The following NCKAP5 variants were observed in gnomAD, a reference collection of about 807,000 sequenced individuals.
NCKAP5 encodes the protein nck-associated protein 5.
In NCKAP5, 92 loss-of-function variants were observed where a neutral mutation model predicts 167.0. The observed-to-expected ratio is 0.55, with a 90% CI of 0.47 to 0.66. NCKAP5 has a LOEUF of 0.66. Ranked by LOEUF, NCKAP5 falls within the 30% of genes least tolerant of loss-of-function variation. NCKAP5 has a pLI of 0.00. For missense variants in NCKAP5, 2,378 were observed against 2,315.0 expected, an observed-to-expected ratio of 1.03 and a Z score of -0.56; for synonymous variants, 891 against 877.4, an observed-to-expected ratio of 1.02 and a Z score of -0.27.
At chr2:133,125,089 A>G (rs2082361154) in intron 6 of NCKAP5, among the ~76,000 whole-genome samples, 1 of 152,164 alleles carries the variant, frequency 6.6e-6, no homozygotes, top group Non-Finnish European at 1.5e-5. Context: ...TGATTAGATT[A>G]TTTCCAAAGG....
At chr2:133,315,840 G>T (rs1163053477) in intron 3 of NCKAP5, among the ~76,000 whole-genome samples, 1 of 152,150 alleles carries the variant, frequency 6.6e-6, no homozygotes, top group Non-Finnish European at 1.5e-5. Context: ...TTGGGGTAGA[G>T]GTTGGGGAAA....
rs114899252 is a variant in NCKAP5, at chr2:132,891,862, G to A, written c.580-12946C>T. On this transcript the variant is annotated intron_variant, in intron 8 of 19. Transcript: ENST00000409261. ...AGATAATCTGATGGGAAGTGACGGC[G>A]TGCTTTTCAAATTTCCTTTTATTTG... 9.9e-4 allele frequency among the ~76,000 whole-genome samples: 151 copies of A among 152,294 alleles called. 1 individual carries two copies. The highest frequency in any genetic ancestry group is 4.6e-3 in the Admixed American group (71 of 15,304).
chr2:133,153,901 T>C (rs1415621853), intron 5 of NCKAP5, among the ~76,000 whole-genome samples: 1 of 141,280 alleles, frequency 7.1e-6, no homozygotes, highest in Non-Finnish European at 1.5e-5. Flanking sequence ...AACGGCGCAA[T>C]CTCAGCTCAC....
intron 6 of NCKAP5, among the ~76,000 whole-genome samples, chr2:133,022,582 G>A (rs898530445): frequency 6.6e-6 from 1 of 152,138 alleles, no homozygotes; most frequent in Admixed American, 6.5e-5. Context: ...GAGAAAACCA[G>A]AGTTGGACAC....
At chr2:133,441,666 T>C (rs973239942) in intron 3 of NCKAP5, among the ~76,000 whole-genome samples, 12 of 152,322 alleles carry the variant, frequency 7.9e-5, no homozygotes, top group African/African-American at 2.6e-4. Flanking sequence ...AAACTTACTT[T>C]GTGATCTACT....
At chr2:133,617,979 G>A in the NCKAP5 span, among the ~76,000 whole-genome samples, 1 of 152,116 alleles carries the variant, frequency 6.6e-6, no homozygotes, top group South Asian at 2.1e-4. Context: ...GAACAGAACA[G>A]AGGCCTCAGA....
chr2:133,268,968 T>G (rs568114065), intron 4 of NCKAP5: 2 of 152,328 alleles, frequency 1.3e-5, no homozygotes, highest in South Asian at 4.1e-4. Context: ...AGGAAATTGC[T>G]GTTGTCCAGG....
At chr2:133,663,050 A>T in the NCKAP5 span, among the ~76,000 whole-genome samples, 4 of 152,174 alleles carry the variant, frequency 2.6e-5, no homozygotes, top group South Asian at 8.3e-4. Flanking sequence ...GTGGATCATG[A>T]GGTCAGGAGA....
the NCKAP5 span, among the ~76,000 whole-genome samples, chr2:133,573,708 T>G: frequency 1.3e-5 from 2 of 152,188 alleles, no homozygotes; most frequent in African/African-American, 4.8e-5. Flanking sequence ...CAGTACATAC[T>G]GTGAGATTGA....
chr2:132,698,615 A>T (rs192794947), intron 19 of NCKAP5, among the ~76,000 whole-genome samples: 2 of 152,240 alleles, frequency 1.3e-5, no homozygotes, highest in Non-Finnish European at 2.9e-5. Flanking sequence ...AGGGCAGATC[A>T]CAAGGTCAGG....
At chr2:133,387,405 C>T (rs928827005) in intron 3 of NCKAP5, among the ~76,000 whole-genome samples, 9 of 152,236 alleles carry the variant, frequency 5.9e-5, no homozygotes, top group African/African-American at 1.2e-4. Flanking sequence ...GAGTTTCTGC[C>T]GAGAGATCAG....
chr2:133,331,773 C>T (rs545326155), intron 3 of NCKAP5, among the ~76,000 whole-genome samples: 6 of 152,316 alleles, frequency 3.9e-5, no homozygotes, highest in East Asian at 1.9e-4. Flanking sequence ...CCAGTAACTA[C>T]GACTTCTCCC....
rs534337721 is a variant in NCKAP5, at chr2:133,531,901, A to G, written c.-61-14314T>C. ...CTTTAATCTTTCCTCTCTTTTAAGT[A>G]ATAAAAGCACTGTAGATGTAGTTGT... On this transcript the variant is annotated intron_variant, in intron 2 of 19. Transcript: ENST00000409261. 1.1e-3 allele frequency among the ~76,000 whole-genome samples: 174 copies of G among 152,346 alleles called. 2 individuals carry two copies. Among genetic ancestry groups the G allele is most frequent in the African/African-American group, 3.8e-3 (158 of 41,584 alleles).
chr2:132,932,921 C>CT (rs368871730), intron 8 of NCKAP5, among the ~76,000 whole-genome samples: 7,799 of 119,900 alleles, frequency 0.065, 988 homozygotes, highest in African/African-American at 0.22. Context: ...TTATCCTCTA[C>CT]TTTTTTTTTT....
intron 7 of NCKAP5, among the ~76,000 whole-genome samples, chr2:132,992,652 T>G (rs756396138): frequency 1.3e-5 from 2 of 152,204 alleles, no homozygotes; most frequent in African/African-American, 4.8e-5. Context: ...ATAATATCTA[T>G]GAAGAATTCA....
intron 11 of NCKAP5, among the ~76,000 whole-genome samples, chr2:132,847,946 A>C (rs1688793618): frequency 6.6e-6 from 1 of 152,214 alleles, no homozygotes; most frequent in Admixed American, 6.5e-5. Context: ...ATAAAGGAGG[A>C]TGTAAATATT....
chr2:132,926,948 G>C (rs1470072510), intron 8 of NCKAP5, among the ~76,000 whole-genome samples: 1 of 152,058 alleles, frequency 6.6e-6, no homozygotes, highest in Non-Finnish European at 1.5e-5. Flanking sequence ...TATTTGAGTA[G>C]ACCAATGTTC....
In NCKAP5 at chr2:132,984,568, G is replaced by C. The variant is rs546769211; in HGVS notation, c.429+9584C>G. Among the ~76,000 whole-genome samples, 3 of 152,244 alleles carry C rather than the reference G, an allele frequency of 2.0e-5. No homozygotes were observed. The South Asian group carries it at 6.2e-4, about 32-fold the overall frequency. ...GGCAATTTCTCTTCATCGCCATGCT[G>C]TGCTCGCCGTGCAGACAAAATCAAT... On this transcript the variant is annotated intron_variant, in intron 7 of 19. Coordinates refer to ENST00000409261, the MANE Select transcript of NCKAP5 (RefSeq NM_207363.3).
At chr2:133,165,098 G>A (rs1012696859) in intron 5 of NCKAP5, among the ~76,000 whole-genome samples, 2 of 152,076 alleles carry the variant, frequency 1.3e-5, no homozygotes, top group African/African-American at 4.8e-5. Context: ...GGAGGTGACT[G>A]CCATCTGCAA....
Sources: gnomAD v4.1 joint callset for allele counts (sites outside exome capture counted in the v4.1 genomes callset) on GRCh38, gnomAD v4.1.1 for gene constraint, MANE v1.5 for transcripts, NCBI Gene and HGNC (gene_info 2026-07-23, HGNC 2026-07-21) for gene names.